TBC1D15: variants seen among roughly 807,000 people sequenced by gnomAD.
TBC1D15 encodes GAP for RAB7.
A neutral mutation model predicts 95.4 loss-of-function variants in TBC1D15; 39 were observed. The observed-to-expected ratio is 0.41, with a 90% CI of 0.32 to 0.53. TBC1D15 has a LOEUF of 0.53. Among genes scored for constraint, TBC1D15 ranks in the 20% least tolerant of loss-of-function variants. TBC1D15 has a pLI of 0.29. For synonymous variants in TBC1D15, 258 were observed against 261.3 expected (o/e 0.99, Z 0.12); for missense variants, 733 against 794.3 (o/e 0.92, Z 0.93).
chr12:71,914,090 GAA>G (rs1377778664), intron 12 of TBC1D15, among the ~76,000 whole-genome samples, 164 bp downstream of exon 12: 2 of 151,878 alleles, frequency 1.3e-5, no homozygotes, highest in African/African-American at 4.8e-5. Context: ...CAAGGGCTTA[GAA>G]ATACTGGTGG....
intron 16 of TBC1D15, 130 bp from the exon 17 acceptor site, chr12:71,922,853 C>A: frequency 1.2e-6 from 1 of 854,170 alleles, no homozygotes; most frequent in Non-Finnish European, 1.8e-6. Context: ...GAGAAGGGTA[C>A]ATGACATTTA....
At chr12:71,864,668 G>A (rs559566160) in intron 1 of TBC1D15, among the ~76,000 whole-genome samples, 64 of 152,008 alleles carry the variant, frequency 4.2e-4, no homozygotes, top group Non-Finnish European at 7.1e-4. Context: ...CACCATGCCC[G>A]CCTAATTTTT....
rs558742518 is a variant in TBC1D15 at position 71,855,696 on chromosome 12, C to T, written c.30+15885C>T. On this transcript the variant is annotated intron_variant, in intron 1 of 16. Transcript: ENST00000485960. Reference sequence around the variant, plus strand: ...AAAAAAAAAAAAAAAAAAAAAAAGACGTTTGCCAATAACTCCAGATGACCT... The same window carrying T: ...AAAAAAAAAAAAAAAAAAAAAAAGATGTTTGCCAATAACTCCAGATGACCT... 1.2e-4 allele frequency among the ~76,000 whole-genome samples: 17 copies of T among 142,346 alleles called. 1 individual carries two copies. The South Asian group carries it at 2.7e-3, about 23-fold the overall frequency. The allele number at this position is 142,346 out of a possible 152,430, so 93.4% of individuals were successfully genotyped here. A position where few individuals can be genotyped will look rare whatever the true frequency, so the allele number is the denominator to read the frequency against.
At chr12:71,859,135 T>G (rs1889813691) in intron 1 of TBC1D15, among the ~76,000 whole-genome samples, 1 of 152,170 alleles carries the variant, frequency 6.6e-6, no homozygotes, top group South Asian at 2.1e-4. Flanking sequence ...ATGTTTTTTT[T>G]GTCATCGTCA....
At chr12:71,873,135 G>A in intron 3 of TBC1D15, 132 bp downstream of exon 3, 2 of 593,036 alleles carry the variant, frequency 3.4e-6, no homozygotes, top group South Asian at 2.6e-5. Context: ...CATATTTACA[G>A]AGTTGTGCAG....
chr12:71,897,831 A>C lies in TBC1D15; in HGVS notation c.1089-16A>C, dbSNP rs1217799132. 6 of 1,600,286 alleles carry C rather than the reference A, an allele frequency of 3.7e-6. No homozygotes were observed. Among genetic ancestry groups the C allele is most frequent in the Non-Finnish European group, 5.1e-6 (6 of 1,169,882 alleles). ...TTTTCAAATAGCTTTCTTTGATGTC[A>C]AATTGTTTTCTATAGTGATGAATAC... On this transcript the variant is annotated splice_polypyrimidine_tract_variant and intron_variant, in intron 9 of 16. Transcript: ENST00000485960.
intron 11 of TBC1D15, among the ~76,000 whole-genome samples, chr12:71,911,804 AAT>A (rs954863299): frequency 3.3e-5 from 5 of 152,110 alleles, no homozygotes; most frequent in Non-Finnish European, 5.9e-5. Context: ...AAAAAAATAA[AAT>A]AGATTAAAGG....
At chr12:71,849,445 C>T (rs1012572433) in intron 1 of TBC1D15, 33 of 1,075,036 alleles carry the variant, frequency 3.1e-5, no homozygotes, top group African/African-American at 6.2e-5. Context: ...CCATGGGCCT[C>T]TTCAAGGGAA....
chr12:71,907,358 T>C, intron 11 of TBC1D15: 1 of 332,028 alleles, frequency 3.0e-6, no homozygotes, highest in Non-Finnish European at 5.5e-6. Flanking sequence ...TTAAAATTTT[T>C]AAGGGAATTA....
At chr12:71,849,861 C>T (rs942027416) in intron 1 of TBC1D15, 6 of 570,666 alleles carry the variant, frequency 1.1e-5, no homozygotes, top group Admixed American at 8.3e-5. Context: ...GAGTTTGCTT[C>T]TGTCTATAGA....
intron 1 of TBC1D15, among the ~76,000 whole-genome samples, chr12:71,847,424 C>T (rs569502513): frequency 1.2e-4 from 18 of 152,012 alleles, no homozygotes; most frequent in Admixed American, 3.3e-4. Flanking sequence ...GGGCCAGGCA[C>T]GGTGGCTCAC....
At chr12:71,895,832 T>G in intron 7 of TBC1D15, 115 bp from the exon 8 acceptor site, 1 of 999,772 alleles carries the variant, frequency 1.0e-6, no homozygotes, top group Non-Finnish European at 1.4e-6. Flanking sequence ...AGGAACAATC[T>G]TAAAAGTATT....
rs1339191017 is a variant in TBC1D15 at position 71,885,002 on chromosome 12, A to G, written c.535A>G (p.Lys179Glu). ...CAAACTACTGATTGAATCTCTTGAA[A>G]AATATGTGGTATTGTGTGAGTAAGT... is the stretch of plus-strand genomic sequence containing the variant. ...DSKLLIESLE[K>E]YVVLCESPQD... is the part of the protein sequence containing the mutation. Residue 179 changes from lysine (K) to glutamate (E), a missense_variant, in exon 5 of 17, where the codon AAA (lysine) becomes GAA (glutamate). Physicochemically the swap from Lys to Glu is moderately conservative, Grantham distance 56. Transcript: ENST00000485960. 1 of 1,613,758 alleles carries G rather than the reference A, an allele frequency of 6.2e-7. No homozygotes were observed. Among genetic ancestry groups the G allele is most frequent in the Non-Finnish European group, 8.5e-7 (1 of 1,179,792 alleles).
chr12:71,894,454 G>A, intron 6 of TBC1D15: 3 of 1,425,132 alleles, frequency 2.1e-6, no homozygotes, highest in Admixed American at 1.7e-5. Flanking sequence ...AATTCAATCA[G>A]TAGCATTAAC....
intron 1 of TBC1D15, among the ~76,000 whole-genome samples, chr12:71,856,885 C>T (rs1889207166): frequency 6.6e-6 from 1 of 151,932 alleles, no homozygotes. Context: ...GAGTCTCAGC[C>T]CCAGAGCAGT....
At chr12:71,907,816 G>T (rs1306241415) in intron 11 of TBC1D15, 1 of 152,180 alleles carries the variant, frequency 6.6e-6, no homozygotes, top group Non-Finnish European at 1.5e-5. Context: ...CAAAAATTTT[G>T]TAGGGCATGT....
intron 3 of TBC1D15, 33 bp from the exon 4 acceptor site, chr12:71,880,436 C>T (rs1238597286): frequency 5.3e-6 from 8 of 1,505,630 alleles, no homozygotes; most frequent in Non-Finnish European, 7.1e-6. Context: ...TTGTTTTAGA[C>T]TTTAAATATT....
intron 4 of TBC1D15, among the ~76,000 whole-genome samples, chr12:71,882,769 G>T (rs1460726945): frequency 6.6e-6 from 1 of 152,154 alleles, no homozygotes; most frequent in Non-Finnish European, 1.5e-5. Flanking sequence ...TAGCACTGAG[G>T]ATATGGCTGT....
At chr12:71,874,399 T>C (rs897120361) in intron 3 of TBC1D15, among the ~76,000 whole-genome samples, 2 of 152,158 alleles carry the variant, frequency 1.3e-5, no homozygotes, top group African/African-American at 4.8e-5. Flanking sequence ...TGTCTTTTGG[T>C]ATCTGTGGGG....
Sources: allele counts gnomAD v4.1 joint callset (sites outside exome capture counted in the v4.1 genomes callset), GRCh38; gene constraint gnomAD v4.1.1; transcripts MANE v1.5; gene names NCBI Gene and HGNC (gene_info 2026-07-23, HGNC 2026-07-21).